The following LCA5 variants were observed in gnomAD, a reference collection of about 807,000 sequenced individuals.
LCA5 encodes the protein lebercilin LCA5, also known as lebercilin.
In LCA5, 37 loss-of-function variants were observed where a neutral mutation model predicts 53.0. The observed-to-expected ratio is 0.70, with a 90% CI of 0.54 to 0.92. The LOEUF (loss-of-function observed/expected upper bound fraction) is 0.92, where lower values mean the gene tolerates loss of function less well. Among genes scored for constraint, LCA5 ranks in the 40% least tolerant of loss-of-function variants. The pLI, the probability that LCA5 is intolerant of heterozygous loss-of-function variation, is 0.00. For synonymous variants in LCA5, 303 were observed against 282.9 expected, an observed-to-expected ratio of 1.07 and a Z score of -0.71; for missense variants, 806 against 790.5, an observed-to-expected ratio of 1.02 and a Z score of -0.23.
rs1562109257 is a variant in LCA5, at chr6:79,518,823, T to C, written c.72A>G (p.Leu24=). Residue 24 remains leucine, a synonymous_variant, in exon 2 of 8, where the codon TTA becomes TTG. Coordinates refer to ENST00000369846, the MANE Select transcript of LCA5 (RefSeq NM_001122769.3). ...RKAGKHHYSY[L]SDFETPQSSG... Reference sequence around the variant, plus strand: ...AAGACTGTGGCGTTTCAAAATCAGATAAGTAAGAATAATGGTGTTTGCCTG... The same window carrying C: ...AAGACTGTGGCGTTTCAAAATCAGACAAGTAAGAATAATGGTGTTTGCCTG... 3 of 1,614,032 alleles carry C rather than the reference T, an allele frequency of 1.9e-6. No individual in the cohort carries two copies.
intron 3 of LCA5, among the ~76,000 whole-genome samples, chr6:79,501,812 C>A (rs1485364): frequency 0.49 from 73,325 of 150,356 alleles, 19,095 homozygotes; most frequent in East Asian, 0.82. Flanking sequence ...ATAGAGTTCT[C>A]TATAGTTCTC....
chr6:79,519,017 TC>T lies in LCA5; in HGVS notation c.-124del. The T allele has an allele frequency of 1.0e-6, 1 of 998,960 alleles. No individual in the cohort carries two copies. Among genetic ancestry groups the T allele is most frequent in the Non-Finnish European group, 1.6e-6 (1 of 631,224 alleles). The allele number at this position is 998,960 out of a possible 1,614,324, so 61.9% of individuals were successfully genotyped here. ...CCTGATAATATTCATTTCTGTGCAA[TC>T]TATTTTCTCCACAATGTATTTGTAG... On this transcript the variant is annotated 5_prime_UTR_variant, in exon 2 of 8. Coordinates refer to ENST00000369846, the MANE Select transcript of LCA5 (RefSeq NM_001122769.3).
intron 1 of LCA5, among the ~76,000 whole-genome samples, chr6:79,520,114 T>C (rs1766584370): frequency 2.0e-5 from 3 of 152,054 alleles, no homozygotes. Context: ...AATAAAATAA[T>C]GCTAAAATTA....
intron 1 of LCA5, among the ~76,000 whole-genome samples, chr6:79,533,865 G>A (rs79925793): frequency 6.6e-6 from 1 of 151,690 alleles, no homozygotes; most frequent in Non-Finnish European, 1.5e-5. Context: ...AGCTTCTTTA[G>A]ATAAAACATT....
intron 3 of LCA5, among the ~76,000 whole-genome samples, chr6:79,505,858 C>G (rs12206473): frequency 0.16 from 24,673 of 151,972 alleles, 2,565 homozygotes; most frequent in Middle Eastern, 0.36. Flanking sequence ...AGACAGTTCA[C>G]TTCCAGTTCT....
At chr6:79,526,645 G>A (rs902461373) in intron 1 of LCA5, among the ~76,000 whole-genome samples, 1 of 152,144 alleles carries the variant, frequency 6.6e-6, no homozygotes, top group Non-Finnish European at 1.5e-5. Flanking sequence ...AGGGTGTTAA[G>A]GGAATTATGG....
At chr6:79,488,899 C>T in intron 7 of LCA5, 185 bp downstream of exon 7, 1 of 658,706 alleles carries the variant, frequency 1.5e-6, no homozygotes. Flanking sequence ...CAATTTTTTT[C>T]TTTCCTTAAT....
chr6:79,519,216 A>G (rs892450915), intron 1 of LCA5, 131 bp from the exon 2 acceptor site: 17 of 356,738 alleles, frequency 4.8e-5, no homozygotes, highest in African/African-American at 1.5e-4. Flanking sequence ...CAATTTATCT[A>G]TATTTTCACA....
Position 79,487,815 on chromosome 6 carries a change from A to T in LCA5, c.1283T>A (p.Leu428Gln). The T allele has an allele frequency of 3.7e-6, 6 of 1,610,134 alleles. No individual in the cohort carries two copies. The highest frequency in any genetic ancestry group is 5.1e-6 in the Non-Finnish European group (6 of 1,178,770). ...CCACTCTGGCTTTTCTTCTCTTTCC[A>T]GTAAAGATGCCTTTTCTTTTTGCTT... ...DKKQKEKASL[L>Q]EREEKPEWET... Residue 428 changes from leucine (L) to glutamine (Q), a missense_variant, in exon 8 of 8, where the codon CTG becomes CAG. By Grantham distance (113) the Leu-to-Gln change is moderately radical. Coordinates refer to ENST00000369846, the MANE Select transcript of LCA5 (RefSeq NM_001122769.3).
At chr6:79,533,643 A>G (rs966571562) in intron 1 of LCA5, among the ~76,000 whole-genome samples, 1 of 151,954 alleles carries the variant, frequency 6.6e-6, no homozygotes, top group South Asian at 2.1e-4. Flanking sequence ...GTCAAAAAAA[A>G]AAAGAAGATA....
In LCA5 at chr6:79,486,929, T is replaced by C. The variant is rs1318544098; in HGVS notation, c.*75A>G. 8.2e-7 allele frequency: 1 copy of C among 1,222,638 alleles called. No homozygotes were observed. The highest frequency in any genetic ancestry group is 2.3e-5 in the Admixed American group (1 of 43,578). The allele number at this position is 1,222,638 out of a possible 1,614,324, so 75.7% of individuals were successfully genotyped here. On this transcript the variant is annotated 3_prime_UTR_variant, in exon 8 of 8. Coordinates refer to ENST00000369846, the MANE Select transcript of LCA5 (RefSeq NM_001122769.3). ...ATAAGGACATTTTAGCATTAAAAAG[T>C]CTAAATGTTTATAATAAATACTGTA...
chr6:79,525,623 A>G (rs1185676968), intron 1 of LCA5, among the ~76,000 whole-genome samples: 1 of 152,250 alleles, frequency 6.6e-6, no homozygotes, highest in Non-Finnish European at 1.5e-5. Flanking sequence ...TAGGACACAA[A>G]ATGTCTCAAA....
chr6:79,518,907 T>C lies in LCA5; in HGVS notation c.-13A>G, dbSNP rs1159869289. The C allele has an allele frequency of 1.2e-6, 2 of 1,613,450 alleles. No homozygotes were observed. The highest frequency in any genetic ancestry group is 3.3e-5 in the Admixed American group (2 of 60,028). ...CTCTTTCCCCCATTGTTTTGAAAAA[T>C]GGTCTCTATTCACATAATTTCACAG... On this transcript the variant is annotated 5_prime_UTR_variant, in exon 2 of 8. Transcript: ENST00000369846.
At chr6:79,518,660 A>G in intron 2 of LCA5, 45 bp downstream of exon 2, 1 of 1,577,278 alleles carries the variant, frequency 6.3e-7, no homozygotes, top group Non-Finnish European at 8.7e-7. Context: ...TAAGCACTCA[A>G]AATGAGTCTT....
chr6:79,495,234 T>C (rs1769948680), intron 3 of LCA5, among the ~76,000 whole-genome samples: 1 of 152,206 alleles, frequency 6.6e-6, no homozygotes, highest in Non-Finnish European at 1.5e-5. Context: ...TGGAACAGTT[T>C]CAGCTTGAAA....
intron 1 of LCA5, among the ~76,000 whole-genome samples, chr6:79,524,975 T>C (rs1223658692): frequency 2.0e-5 from 3 of 152,110 alleles, no homozygotes; most frequent in Non-Finnish European, 4.4e-5. Context: ...TTCAAAGAGT[T>C]TTTTTCAATT....
chr6:79,525,355 C>T (rs1190382542), intron 1 of LCA5: 1 of 152,206 alleles, frequency 6.6e-6, no homozygotes, highest in Non-Finnish European at 1.5e-5. Flanking sequence ...GGACCAATTC[C>T]TAGGACCCAT....
intron 1 of LCA5, among the ~76,000 whole-genome samples, chr6:79,521,883 C>T (rs1766635726): frequency 6.6e-6 from 1 of 152,180 alleles, no homozygotes; most frequent in Non-Finnish European, 1.5e-5. Flanking sequence ...TCAGATACTA[C>T]TGATGGAGTG....
intron 3 of LCA5, among the ~76,000 whole-genome samples, chr6:79,506,036 G>A (rs1157889406): frequency 1.3e-5 from 2 of 152,050 alleles, no homozygotes; most frequent in East Asian, 3.9e-4. Context: ...ACCTACTCGA[G>A]GGCAGCTCTA....
Sources: allele counts gnomAD v4.1 joint callset (sites outside exome capture counted in the v4.1 genomes callset), GRCh38; gene constraint gnomAD v4.1.1; transcripts MANE v1.5; gene names NCBI Gene and HGNC (gene_info 2026-07-23, HGNC 2026-07-21).